The following SLK variants were observed in gnomAD, a reference collection of about 807,000 sequenced individuals.
The protein encoded by SLK is STE20 like kinase.
Under a neutral mutation model 147.7 loss-of-function variants are expected in SLK, and 67 were observed. That is an observed-to-expected ratio of 0.45 (90% CI 0.37 to 0.56). The LOEUF is 0.56. Among genes scored for constraint, SLK ranks in the 20% least tolerant of loss-of-function variants. The pLI is 0.00. For synonymous variants in SLK, 441 were observed against 475.0 expected, an observed-to-expected ratio of 0.93 and a Z score of 0.93; for missense variants, 1,136 against 1,438.8, an observed-to-expected ratio of 0.79 and a Z score of 3.41.
chr10:103,983,424 T>C (rs914702969), intron 1 of SLK, among the ~76,000 whole-genome samples: 17 of 152,342 alleles, frequency 1.1e-4, no homozygotes, highest in Admixed American at 1.1e-3. Flanking sequence ...GTGTTGCTCA[T>C]AGGTTTTGAA....
rs183048932 is a variant in SLK at position 103,990,535 on chromosome 10, T to C, written c.151-140T>C. The stretch of plus-strand genomic sequence containing the variant: ...CAGTCTGTGGCTTGTCTTCTCATTC[T>C]CTTGACACACTATTTTTAAAAGACA... On this transcript the variant is annotated intron_variant, in intron 1 of 18. Coordinates refer to ENST00000369755, the MANE Select transcript of SLK (RefSeq NM_014720.4). The C allele has an allele frequency of 3.1e-3, 1,565 of 497,016 alleles. 2 individuals carry two copies. Among genetic ancestry groups the C allele is most frequent in the Non-Finnish European group, 4.6e-3 (1,365 of 296,322 alleles). The allele number at this position is 497,016 out of a possible 1,614,324, so 30.8% of individuals were successfully genotyped here.
At chr10:103,987,326 A>G (rs1844030693) in intron 1 of SLK, among the ~76,000 whole-genome samples, 1 of 152,202 alleles carries the variant, frequency 6.6e-6, no homozygotes, top group Non-Finnish European at 1.5e-5. Flanking sequence ...ATTCACAAGT[A>G]TAAAAGATAC....
Position 104,003,130 on chromosome 10 carries a change from T to C in SLK, c.1952T>C (p.Met651Thr). ...EITESSSTEE[M>T]EVRSVVADTD... ...ACTGAGTCAAGTAGCACTGAAGAAA[T>C]GGAGGTCAGAAGTGTGGTGGCTGAT... The change falls in exon 9 of 19, where the codon ATG becomes ACG. Residue 651 changes from methionine to threonine, a missense_variant. Physicochemically the swap from Met to Thr is moderately conservative, Grantham distance 81 (BLOSUM62 -1). Transcript: ENST00000369755. The C allele has an allele frequency of 6.2e-7, 1 of 1,614,022 alleles. No homozygotes were observed. The highest frequency in any genetic ancestry group is 8.5e-7 in the Non-Finnish European group (1 of 1,180,004).
chr10:103,978,153 ATTATT>A (rs1461826443), intron 1 of SLK, among the ~76,000 whole-genome samples: 2 of 152,140 alleles, frequency 1.3e-5, no homozygotes, highest in Non-Finnish European at 2.9e-5. Context: ...AATTTAGTGA[ATTATT>A]TTATAATATA....
chr10:104,022,439 A>G (rs777031323), intron 18 of SLK, among the ~76,000 whole-genome samples: 1 of 152,150 alleles, frequency 6.6e-6, no homozygotes, highest in Non-Finnish European at 1.5e-5. Flanking sequence ...CTATCACTAT[A>G]TGATCTCTGA....
Position 103,980,138 on chromosome 10 carries a change from A to G in SLK, c.151-10537A>G, listed in dbSNP as rs1242226982. Among the ~76,000 whole-genome samples, 3 of 152,322 alleles carry G rather than the reference A, an allele frequency of 2.0e-5. No homozygotes were observed. In the East Asian group the frequency reaches 5.8e-4, roughly 29 times the overall value. On this transcript the variant is annotated intron_variant, in intron 1 of 18. Coordinates refer to ENST00000369755, the MANE Select transcript of SLK (RefSeq NM_014720.4). Reference sequence around the variant, plus strand: ...TTTCTTACTGCTTTGCAATGCTTCCATCATATAATGGATGTCCGTACGCAC... The same window carrying G: ...TTTCTTACTGCTTTGCAATGCTTCCGTCATATAATGGATGTCCGTACGCAC...
chr10:103,989,733 G>A (rs912555398), intron 1 of SLK, among the ~76,000 whole-genome samples: 1 of 152,128 alleles, frequency 6.6e-6, no homozygotes, highest in Admixed American at 6.5e-5. Context: ...CTCCCAAAGT[G>A]CTGGGATTAC....
intron 18 of SLK, among the ~76,000 whole-genome samples, chr10:104,022,823 G>A (rs1844553079): frequency 6.6e-6 from 1 of 152,174 alleles, no homozygotes. Context: ...GGCCAGGCTG[G>A]TCTCAAACTC....
At chr10:103,969,218 C>G (rs1843761180) in intron 1 of SLK, among the ~76,000 whole-genome samples, 1 of 152,186 alleles carries the variant, frequency 6.6e-6, no homozygotes, top group Admixed American at 6.5e-5. Flanking sequence ...ATCCGCCCGC[C>G]TCGGCCTCCC....
At chr10:103,969,195 C>G (rs1422610078) in intron 1 of SLK, among the ~76,000 whole-genome samples, 2 of 152,098 alleles carry the variant, frequency 1.3e-5, no homozygotes, top group African/African-American at 4.8e-5. Context: ...TCTTGAACTC[C>G]CGACCTCAGG....
chr10:103,969,843 C>T (rs1326428524), intron 1 of SLK, among the ~76,000 whole-genome samples: 2 of 152,148 alleles, frequency 1.3e-5, no homozygotes, highest in African/African-American at 2.4e-5. Flanking sequence ...GATTCTTTCA[C>T]CCATTAAAGT....
chr10:104,004,922 G>A (rs1296535420), intron 9 of SLK, among the ~76,000 whole-genome samples: 3 of 152,164 alleles, frequency 2.0e-5, no homozygotes, highest in Non-Finnish European at 4.4e-5. Flanking sequence ...ACTTTTGGGT[G>A]CAGCAGAGGC....
chr10:103,987,406 A>G (rs1009833377), intron 1 of SLK, among the ~76,000 whole-genome samples: 1 of 152,194 alleles, frequency 6.6e-6, no homozygotes, highest in Non-Finnish European at 1.5e-5. Flanking sequence ...GTAGAACTGT[A>G]CTGCATGATT....
intron 18 of SLK, among the ~76,000 whole-genome samples, chr10:104,023,811 G>T (rs1481911677): frequency 6.6e-6 from 1 of 152,126 alleles, no homozygotes; most frequent in Non-Finnish European, 1.5e-5. Context: ...CTCCTTAAAA[G>T]CATGCCATGA....
intron 12 of SLK, among the ~76,000 whole-genome samples, chr10:104,008,815 T>C (rs796206459): frequency 1.2e-4 from 18 of 152,360 alleles, no homozygotes; most frequent in African/African-American, 4.3e-4. Context: ...ATTTTTCATC[T>C]TTAATTCATA....
intron 1 of SLK, among the ~76,000 whole-genome samples, chr10:103,989,482 T>TTTTTTC: frequency 6.8e-6 from 1 of 146,842 alleles, no homozygotes; most frequent in Non-Finnish European, 1.5e-5. Context: ...TTTTTTTTTT[T>TTTTTTC]TTTGGAGACA....
At chr10:103,988,380 T>G (rs1351310334) in intron 1 of SLK, among the ~76,000 whole-genome samples, 1 of 152,168 alleles carries the variant, frequency 6.6e-6, no homozygotes, top group Middle Eastern at 3.2e-3. Flanking sequence ...CGGGTAATGA[T>G]TATGCCTAGT....
intron 4 of SLK, among the ~76,000 whole-genome samples, chr10:103,993,623 C>A (rs573934406): frequency 6.6e-6 from 1 of 151,952 alleles, no homozygotes; most frequent in Non-Finnish European, 1.5e-5. Context: ...AATACCTAAA[C>A]GTAAGGACTA....
intron 9 of SLK, among the ~76,000 whole-genome samples, chr10:104,004,484 G>A (rs182500953): frequency 1.3e-5 from 2 of 152,276 alleles, no homozygotes; most frequent in African/African-American, 2.4e-5. Flanking sequence ...AGGTTAAGGT[G>A]TAGATAGGTG....
Sources: allele counts gnomAD v4.1 joint callset (sites outside exome capture counted in the v4.1 genomes callset), GRCh38; gene constraint gnomAD v4.1.1; transcripts MANE v1.5; gene names NCBI Gene and HGNC (gene_info 2026-07-23, HGNC 2026-07-21).